Variants in GZF1 observed in about 807,000 individuals in gnomAD.
GZF1 encodes GDNF-inducible zinc finger protein 1.
Under a neutral mutation model 49.4 loss-of-function variants are expected in GZF1, and 28 were observed. That is an observed-to-expected ratio of 0.57 (90% CI 0.42 to 0.78). GZF1 has a LOEUF of 0.78. GZF1 is among the 30% of genes least tolerant of loss of function. GZF1 has a pLI of 0.00. For synonymous variants in GZF1, 364 were observed against 356.0 expected (o/e 1.02, Z -0.25); for missense variants, 798 against 916.2 (o/e 0.87, Z 1.67).
chr20:23,370,537 A>G lies in GZF1; in HGVS notation c.*96A>G. On this transcript the variant is annotated 3_prime_UTR_variant, in exon 6 of 6. Transcript: ENST00000338121. Reference sequence around the variant, plus strand: ...GAAAAATAATTGTCCATGTGCAAAGATGTGGGCAAGAATGGCCTCTGCAGA... The same window carrying G: ...GAAAAATAATTGTCCATGTGCAAAGGTGTGGGCAAGAATGGCCTCTGCAGA... 1 of 839,992 alleles carries G rather than the reference A, an allele frequency of 1.2e-6. No homozygotes were observed. 52.0% of individuals were successfully genotyped at this position (839,992 alleles called of 1,614,324 possible).
intron 3 of GZF1, among the ~76,000 whole-genome samples, chr20:23,367,810 A>G (rs1981574804): frequency 6.6e-6 from 1 of 152,252 alleles, no homozygotes; most frequent in Non-Finnish European, 1.5e-5. Context: ...CCTGAGGTTT[A>G]GAATCTTGTG....
At chr20:23,367,591 A>T (rs776761085) in intron 3 of GZF1, among the ~76,000 whole-genome samples, 8 of 152,220 alleles carry the variant, frequency 5.3e-5, no homozygotes, top group Non-Finnish European at 1.0e-4. Flanking sequence ...CTGTGCTTGG[A>T]TGTTCAACTT....
At position 23,365,486 on chromosome 20, in the gene GZF1, G is replaced by T. The variant is rs1394368889; in HGVS notation, c.1103G>T (p.Arg368Leu). Residue 368 changes from arginine (R) to leucine (L), a missense_variant, in exon 2 of 6, where the codon CGC becomes CTC. Coordinates refer to ENST00000338121, the MANE Select transcript of GZF1 (RefSeq NM_022482.5). Reference sequence around the variant, plus strand: ...CGCTGCAACCTGAAGAGCCACCAGCGCCACGTGCACAGCAGCGAGCGCCAT... The same window carrying T: ...CGCTGCAACCTGAAGAGCCACCAGCTCCACGTGCACAGCAGCGAGCGCCAT... ...ANRCNLKSHQRHVHSSERHFP... is the reference protein window; with the variant it reads ...ANRCNLKSHQLHVHSSERHFP... The T allele has an allele frequency of 6.2e-7, 1 of 1,613,794 alleles. No homozygotes were observed. Among genetic ancestry groups the T allele is most frequent in the Non-Finnish European group, 8.5e-7 (1 of 1,179,986 alleles).
Position 23,365,529 on chromosome 20 carries a change from C to A in GZF1, c.1146C>A (p.Cys382Ter). ...SSERHFPCEL[C>*]GKKFKRKKDV... is the part of the protein sequence containing the mutation. ...AGCGCCATTTCCCATGCGAGCTGTG[C>A]GGGAAGAAGTTCAAGCGCAAGAAGG... Residue 382 changes from cysteine to a stop codon, truncating the protein, a stop_gained, in exon 2 of 6, where the codon TGC becomes TGA. Transcript: ENST00000338121. LOFTEE classifies it high-confidence loss of function. 1 of 1,613,442 alleles carries A rather than the reference C, an allele frequency of 6.2e-7. No homozygotes were observed. The highest frequency in any genetic ancestry group is 8.5e-7 in the Non-Finnish European group (1 of 1,179,834).
Position 23,365,322 on chromosome 20 carries a change from G to C in GZF1, c.939G>C (p.Lys313Asn), listed in dbSNP as rs1981193223. The change falls in exon 2 of 6, where the codon AAG becomes AAC. Residue 313 changes from lysine (K) to asparagine (N), a missense_variant. Physicochemically the swap from Lys to Asn is moderately conservative, Grantham distance 94. Coordinates refer to ENST00000338121, the MANE Select transcript of GZF1 (RefSeq NM_022482.5). Reference sequence around the variant, plus strand: ...AGGAGGACGAAGAAGGGGAGAAGAAGAAGAGCAACTTTAAGTGCAGCATTT... The same window carrying C: ...AGGAGGACGAAGAAGGGGAGAAGAACAAGAGCAACTTTAAGTGCAGCATTT... ...EEEEDEEGEKKKSNFKCSICE... is the reference protein window; with the variant it reads ...EEEEDEEGEKNKSNFKCSICE... 12 of 1,608,808 alleles carry C rather than the reference G, an allele frequency of 7.5e-6. No individual in the cohort carries two copies. Among genetic ancestry groups the C allele is most frequent in the Non-Finnish European group, 9.3e-6 (11 of 1,176,660 alleles).
chr20:23,366,050 CTCCTT>C (rs1160132065), intron 2 of GZF1, among the ~76,000 whole-genome samples: 4 of 152,236 alleles, frequency 2.6e-5, no homozygotes, highest in African/African-American at 9.6e-5. Flanking sequence ...ACCTTTATTT[CTCCTT>C]TCCTGACTCT....
rs968445902 is a variant in GZF1, at chr20:23,365,507, G to A, written c.1124G>A (p.Arg375His). 6 of 1,613,780 alleles carry A rather than the reference G, an allele frequency of 3.7e-6. No homozygotes were observed. The highest frequency in any genetic ancestry group is 5.1e-6 in the Non-Finnish European group (6 of 1,179,944). The change falls in exon 2 of 6, where the codon CGC (arginine) becomes CAC (histidine). Residue 375 changes from arginine (R) to histidine (H), a missense_variant. This residue lies in a region of GZF1 where 446 missense variants were observed against 540.1 expected (regional missense o/e 0.83). Transcript: ENST00000338121. ...CAGCGCCACGTGCACAGCAGCGAGCGCCATTTCCCATGCGAGCTGTGCGGG... is the reference window on the plus strand; with the variant it reads ...CAGCGCCACGTGCACAGCAGCGAGCACCATTTCCCATGCGAGCTGTGCGGG... ...SHQRHVHSSERHFPCELCGKK... is the reference protein window; with the variant it reads ...SHQRHVHSSEHHFPCELCGKK...
At position 23,364,665 on chromosome 20, in the gene GZF1, C is replaced by G; in HGVS notation, c.282C>G (p.Val94=). 1 of 1,614,246 alleles carries G rather than the reference C, an allele frequency of 6.2e-7. No homozygotes were observed. The highest frequency in any genetic ancestry group is 8.5e-7 in the Non-Finnish European group (1 of 1,180,048). The change falls in exon 2 of 6, where the codon GTC becomes GTG. Residue 94 remains valine (V), a synonymous_variant. Transcript: ENST00000338121. Reference sequence around the variant, plus strand: ...ACTTTGCTTCATTTCTTGAGTTTGTCTACACTGCAAAGGTACAGGTGGAAG... The same window carrying G: ...ACTTTGCTTCATTTCTTGAGTTTGTGTACACTGCAAAGGTACAGGTGGAAG... ...VADFASFLEF[V]YTAKVQVEED... is the part of the protein sequence containing the mutation.
chr20:23,361,186 G>A (rs1459494287), upstream of GZF1, among the ~76,000 whole-genome samples: 1 of 152,186 alleles, frequency 6.6e-6, no homozygotes, highest in Admixed American at 6.5e-5. Flanking sequence ...CAAACTCAAC[G>A]TGTCGGTAAG....
At chr20:23,361,596 G>A (rs991548405), upstream of GZF1, among the ~76,000 whole-genome samples, 1 of 152,182 alleles carries the variant, frequency 6.6e-6, no homozygotes, top group Admixed American at 6.5e-5. Context: ...GGAGAGCGCC[G>A]CGCCGAGCCC....
chr20:23,370,167 A>G lies in GZF1; in HGVS notation c.1862A>G (p.Lys621Arg). ...DGSPKNDDGH[K>R]TEQPDEEYVS... ...TCGCCCAAGAACGATGACGGACACA[A>G]GACTGAACAGCCTGACGAAGAGTAT... Residue 621 changes from lysine (K) to arginine (R), a missense_variant, in exon 6 of 6, where the codon AAG (lysine) becomes AGG (arginine). Coordinates refer to ENST00000338121, the MANE Select transcript of GZF1 (RefSeq NM_022482.5). The G allele has an allele frequency of 6.2e-7, 1 of 1,614,262 alleles. No homozygotes were observed. Among genetic ancestry groups the G allele is most frequent in the Non-Finnish European group, 8.5e-7 (1 of 1,180,046 alleles).
Position 23,364,943 on chromosome 20 carries a change from G to C in GZF1, c.560G>C (p.Arg187Thr), listed in dbSNP as rs546744247. 11 of 1,614,232 alleles carry C rather than the reference G, an allele frequency of 6.8e-6. No individual in the cohort carries two copies. In the East Asian group the frequency reaches 2.2e-4, roughly 33 times the overall value. ...LTDSLDYPGERASNGMSSDLP... is the reference protein window; with the variant it reads ...LTDSLDYPGETASNGMSSDLP... ...GATTCCTTGGACTACCCAGGAGAGA[G>C]AGCCAGCAATGGCATGTCTTCAGAT... The change falls in exon 2 of 6, where the codon AGA becomes ACA. Residue 187 changes from arginine to threonine, a missense_variant. By Grantham distance (71) the Arg-to-Thr change is moderately conservative. This residue lies in a region of GZF1 where 247 missense variants were observed against 228.5 expected (regional missense o/e 1.08). Transcript: ENST00000338121.
upstream of GZF1, among the ~76,000 whole-genome samples, chr20:23,361,134 T>A (rs1980614709): frequency 6.6e-6 from 1 of 152,212 alleles, no homozygotes; most frequent in Non-Finnish European, 1.5e-5. Flanking sequence ...GTAGTAAACC[T>A]TATTTTAAAT....
rs781593849 is a variant in GZF1 at position 23,367,026 on chromosome 20, T to C, written c.1388T>C (p.Phe463Ser). 1 of 1,612,874 alleles carries C rather than the reference T, an allele frequency of 6.2e-7. No individual in the cohort carries two copies. The highest frequency in any genetic ancestry group is 1.3e-5 in the African/African-American group (1 of 74,936). ...HMRIHTGEKPFVCDECGARFT... is the reference protein window; with the variant it reads ...HMRIHTGEKPSVCDECGARFT... ...AGAATTCATACAGGGGAAAAACCTT[T>C]TGTCTGTGATGAATGTGGTGCAAGA... Residue 463 changes from phenylalanine to serine, a missense_variant, in exon 3 of 6, where the codon TTT (phenylalanine) becomes TCT (serine). By Grantham distance (155) the Phe-to-Ser change is radical. This residue lies in a region of GZF1 where 446 missense variants were observed against 540.1 expected (regional missense o/e 0.83). Coordinates refer to ENST00000338121, the MANE Select transcript of GZF1 (RefSeq NM_022482.5).
In GZF1 at chr20:23,365,408, T is replaced by C; in HGVS notation, c.1025T>C (p.Val342Ala). ...FLKHSKHRHG[V>A]ATEVVYRCDT... The stretch of plus-strand genomic sequence containing the variant: ...AAGCACAGCAAGCACCGCCACGGCG[T>C]GGCCACCGAGGTGGTGTACCGCTGC... Residue 342 changes from valine (V) to alanine (A), a missense_variant, in exon 2 of 6, where the codon GTG becomes GCG. By Grantham distance (64) the Val-to-Ala change is moderately conservative (BLOSUM62 0). Around this residue, in one of 3 missense-constraint regions of GZF1, gnomAD observed 446 missense variants for 540.1 expected, o/e 0.83. Transcript: ENST00000338121. 6.2e-7 allele frequency: 1 copy of C among 1,613,834 alleles called. No individual in the cohort carries two copies. The highest frequency in any genetic ancestry group is 1.3e-5 in the African/African-American group (1 of 75,064).
Position 23,364,342 on chromosome 20 carries a change from ATTC to A in GZF1, c.-21-18_-21-16del. The A allele has an allele frequency of 6.9e-7, 1 of 1,448,216 alleles. No homozygotes were observed. 89.7% of individuals were successfully genotyped at this position (1,448,216 alleles called of 1,614,324 possible). A position where few individuals can be genotyped will look rare whatever the true frequency, so the allele number is the denominator to read the frequency against. On this transcript the variant is annotated intron_variant, in intron 1 of 5. Coordinates refer to ENST00000338121, the MANE Select transcript of GZF1 (RefSeq NM_022482.5). The stretch of plus-strand genomic sequence containing the variant: ...TTGCATCAGTGGTTGCTCATGCATA[ATTC>A]TTGTTTCTTTTTCAAAGCTGTTTTT...
Position 23,369,735 on chromosome 20 carries a change from C to A in GZF1, c.1779C>A (p.His593Gln). The change falls in exon 5 of 6, where the codon CAC becomes CAA. Residue 593 changes from histidine (H) to glutamine (Q), a missense_variant. His to Gln is a conservative substitution (Grantham distance 24). Transcript: ENST00000338121. ...CCGACAAGTCCACTCTTCGGCGGCA[C>A]ACCTCAGTAAGCAGTGGGTTGGCTT... ...TFTDKSTLRR[H>Q]TSIHDKNTPW... The A allele has an allele frequency of 6.2e-7, 1 of 1,609,922 alleles. No homozygotes were observed. The highest frequency in any genetic ancestry group is 1.7e-5 in the Admixed American group (1 of 59,538).
At position 23,370,651 on chromosome 20, in the gene GZF1, A is replaced by T. The variant is rs17757228; in HGVS notation, c.*210A>T. 51,311 of 561,162 alleles carry T rather than the reference A, an allele frequency of 0.091. 3,213 individuals carry two copies. Among genetic ancestry groups the T allele is most frequent in the East Asian group, 0.27 (9,058 of 33,112 alleles). 34.8% of individuals were successfully genotyped at this position (561,162 alleles called of 1,614,324 possible). ...AATCCTGATCTGCATGATCTCAGCT[A>T]CTTTATTGACAAAAAGGCAGTGAAC... On this transcript the variant is annotated 3_prime_UTR_variant, in exon 6 of 6. Transcript: ENST00000338121.
rs1357284136 is a variant in GZF1, at chr20:23,364,555, A to G, written c.172A>G (p.Lys58Glu). 1 of 1,614,224 alleles carries G rather than the reference A, an allele frequency of 6.2e-7. No homozygotes were observed. ...CAAGGCAGTGCTGGCTGCCACCAGC[A>G]AGTTTTTTAAGGAAGTGTTCCTTAA... ...AHKAVLAATS[K>E]FFKEVFLNEK... The change falls in exon 2 of 6, where the codon AAG (lysine) becomes GAG (glutamate). Residue 58 changes from lysine to glutamate, a missense_variant. Coordinates refer to ENST00000338121, the MANE Select transcript of GZF1 (RefSeq NM_022482.5).
Sources: gnomAD v4.1 joint callset for allele counts (sites outside exome capture counted in the v4.1 genomes callset) on GRCh38, gnomAD v4.1.1 for gene constraint, gnomAD v4.1.1 regional missense constraint, MANE v1.5 for transcripts, NCBI Gene and HGNC (gene_info 2026-07-23, HGNC 2026-07-21) for gene names.